Variants in NEK10 observed in about 807,000 individuals in gnomAD.
NEK10 encodes the protein NIMA related kinase 10.
NEK10 carries 122 observed loss-of-function variants against 159.8 expected under a neutral mutation model. The observed-to-expected ratio is 0.76, with a 90% CI of 0.66 to 0.89. NEK10 has a LOEUF of 0.89. NEK10 is among the 40% of genes least tolerant of loss of function. NEK10 has a pLI of 0.00. For missense variants in NEK10, 1,342 were observed against 1,323.1 expected (o/e 1.01, Z -0.22); for synonymous variants, 466 against 457.1 (o/e 1.02, Z -0.25).
At chr3:27,134,447 C>T (rs990628973) in intron 31 of NEK10, among the ~76,000 whole-genome samples, 6 of 152,164 alleles carry the variant, frequency 3.9e-5, no homozygotes, top group African/African-American at 1.4e-4. Flanking sequence ...AGGCAGCGAG[C>T]CTTCTCTGCT....
intron 23 of NEK10, among the ~76,000 whole-genome samples, chr3:27,209,388 T>C (rs1276198931): frequency 6.6e-6 from 1 of 152,178 alleles, no homozygotes; most frequent in Non-Finnish European, 1.5e-5. Context: ...TTTACAAAAA[T>C]AGCAAAGCAG....
At chr3:27,147,722 G>T (rs1198622688) in intron 30 of NEK10, among the ~76,000 whole-genome samples, 1 of 152,164 alleles carries the variant, frequency 6.6e-6, no homozygotes, top group Non-Finnish European at 1.5e-5. Context: ...TAGCGTTAGA[G>T]GTTAACCTGC....
chr3:27,290,859 A>G lies in NEK10; in HGVS notation c.1606-105T>C, dbSNP rs1575607928. The G allele has an allele frequency of 3.6e-6, 3 of 825,470 alleles. No homozygotes were observed. In the East Asian group the frequency reaches 7.5e-5, roughly 21 times the overall value. 51.1% of individuals were successfully genotyped at this position (825,470 alleles called of 1,614,324 possible). A position where few individuals can be genotyped will look rare whatever the true frequency, so the allele number is the denominator to read the frequency against. On this transcript the variant is annotated intron_variant, in intron 18 of 35. Transcript: ENST00000691995. ...ACTAACAAAGTCACATGAGTAACTA[A>G]GTCATATAAATAAGTCACAGAGCAT...
At position 27,346,132 on chromosome 3, in the gene NEK10, C is replaced by T; in HGVS notation, c.217G>A (p.Gly73Ser). Reference protein sequence around the residue: ...AIRAGGHRARGQWHESTEAVE... With the variant: ...AIRAGGHRARSQWHESTEAVE... ...GCTTCTGTGGATTCATGCCACTGAC[C>T]CCGAGCTCTGTGTCCACCCGCCCTG... The change falls in exon 4 of 36, where the codon GGT (glycine) becomes AGT (serine). Residue 73 changes from glycine to serine, a missense_variant. Coordinates refer to ENST00000691995, the MANE Select transcript of NEK10 (RefSeq NM_001394966.1). 1 of 1,613,706 alleles carries T rather than the reference C, an allele frequency of 6.2e-7. No individual in the cohort carries two copies. The highest frequency in any genetic ancestry group is 1.3e-5 in the African/African-American group (1 of 75,024).
At chr3:27,128,455 T>C (rs923762861) in intron 32 of NEK10, among the ~76,000 whole-genome samples, 7 of 152,140 alleles carry the variant, frequency 4.6e-5, no homozygotes, top group Non-Finnish European at 1.5e-5. Context: ...TCTTTATCCC[T>C]TTGGCACTTA....
chr3:27,197,029 GC>G (rs34189013), intron 25 of NEK10, among the ~76,000 whole-genome samples: 4,724 of 152,144 alleles, frequency 0.031, 88 homozygotes, highest in African/African-American at 0.039. Flanking sequence ...CATTCTGCAA[GC>G]CCTATCCTAA....
intron 28 of NEK10, 73 bp from the exon 29 acceptor site, chr3:27,171,946 A>G: frequency 1.4e-6 from 2 of 1,437,442 alleles, no homozygotes; most frequent in South Asian, 1.3e-5. Context: ...TTTTAATAAA[A>G]CAATACTGAA....
intron 26 of NEK10, among the ~76,000 whole-genome samples, chr3:27,190,908 C>T (rs537028745): frequency 6.6e-6 from 1 of 152,256 alleles, no homozygotes; most frequent in African/African-American, 2.4e-5. Context: ...GGCTATAACT[C>T]CAAGTTATAT....
At chr3:27,197,040 A>C (rs994590997) in intron 25 of NEK10, among the ~76,000 whole-genome samples, 1 of 152,122 alleles carries the variant, frequency 6.6e-6, no homozygotes, top group Non-Finnish European at 1.5e-5. Context: ...CCCTATCCTA[A>C]GTGATTTGCA....
Position 27,301,839 on chromosome 3 carries a change from A to C in NEK10, c.1029-4T>G. 8.4e-6 allele frequency: 13 copies of C among 1,550,414 alleles called. No individual in the cohort carries two copies. The highest frequency in any genetic ancestry group is 1.1e-5 in the Non-Finnish European group (13 of 1,145,770). ...ATCAGAAACAAAATTTCTGTCTCTG[A>C]AAAAGAAAAGTTAATGCATAGACCA... is the stretch of plus-strand genomic sequence containing the variant. On this transcript the variant is annotated splice_region_variant and splice_polypyrimidine_tract_variant and intron_variant, in intron 12 of 35. Transcript: ENST00000691995.
intron 29 of NEK10, among the ~76,000 whole-genome samples, chr3:27,170,442 T>C (rs1445411763): frequency 1.3e-5 from 2 of 152,124 alleles, no homozygotes; most frequent in Admixed American, 1.3e-4. Context: ...AACTAATACA[T>C]AGAAACTGGC....
chr3:27,176,706 T>A (rs1947540875), intron 26 of NEK10, among the ~76,000 whole-genome samples: 2 of 152,198 alleles, frequency 1.3e-5, no homozygotes, highest in Non-Finnish European at 2.9e-5. Context: ...TTTTCCTTCT[T>A]ATGACCTTTT....
At chr3:27,264,572 C>T (rs2040719412) in intron 22 of NEK10, among the ~76,000 whole-genome samples, 1 of 152,074 alleles carries the variant, frequency 6.6e-6, no homozygotes, top group Admixed American at 6.6e-5. Flanking sequence ...GCACATATAG[C>T]CCCTGAATCC....
chr3:27,120,391 T>C (rs1255968232), intron 32 of NEK10, among the ~76,000 whole-genome samples: 1 of 151,630 alleles, frequency 6.6e-6, no homozygotes, highest in Non-Finnish European at 1.5e-5. Context: ...TGGCACAATC[T>C]CGGCTCACTG....
chr3:27,120,051 T>A (rs1941067143), intron 32 of NEK10, among the ~76,000 whole-genome samples, 183 bp from the exon 33 acceptor site: 1 of 152,186 alleles, frequency 6.6e-6, no homozygotes, highest in African/African-American at 2.4e-5. Flanking sequence ...ATAAATTGGA[T>A]GCAGCAAAAT....
intron 26 of NEK10, among the ~76,000 whole-genome samples, chr3:27,178,043 C>T (rs1027322182): frequency 2.0e-5 from 3 of 152,072 alleles, no homozygotes; most frequent in Admixed American, 2.0e-4. Flanking sequence ...GATATCAATA[C>T]GGCGGCAAGG....
At chr3:27,175,602 G>T (rs1947428646) in intron 26 of NEK10, among the ~76,000 whole-genome samples, 3 of 152,214 alleles carry the variant, frequency 2.0e-5, no homozygotes, top group Admixed American at 2.0e-4. Context: ...CGGAAGGAAT[G>T]ACTATGAATC....
intron 23 of NEK10, among the ~76,000 whole-genome samples, chr3:27,204,917 G>A (rs1314139092): frequency 1.4e-5 from 2 of 140,218 alleles, no homozygotes; most frequent in Non-Finnish European, 3.1e-5. Context: ...CTAGTTTACA[G>A]TCCCACCAAC....
chr3:27,340,186 A>G (rs2047103040), intron 5 of NEK10, among the ~76,000 whole-genome samples: 1 of 152,160 alleles, frequency 6.6e-6, no homozygotes, highest in African/African-American at 2.4e-5. Context: ...CATAAAAAAG[A>G]ATGAGTTCAT....
Sources: allele counts gnomAD v4.1 joint callset (sites outside exome capture counted in the v4.1 genomes callset), GRCh38; gene constraint gnomAD v4.1.1; transcripts MANE v1.5; gene names NCBI Gene and HGNC (gene_info 2026-07-23, HGNC 2026-07-21).